Variants in PHAF1 observed in about 807,000 individuals in gnomAD.
The protein encoded by PHAF1 is phagophore assembly factor 1, also known as phagosome assembly factor 1.
Under a neutral mutation model 63.1 loss-of-function variants are expected in PHAF1, and 23 were observed. The observed-to-expected ratio is 0.36, with a 90% CI of 0.26 to 0.52. The LOEUF (loss-of-function observed/expected upper bound fraction) is 0.52, where lower values mean the gene tolerates loss of function less well. Among genes scored for constraint, PHAF1 ranks in the 20% least tolerant of loss-of-function variants. The pLI is 0.93. For synonymous variants in PHAF1, 167 were observed against 185.0 expected (o/e 0.90, Z 0.79); for missense variants, 427 against 517.2 (o/e 0.83, Z 1.69).
intron 8 of PHAF1, among the ~76,000 whole-genome samples, chr16:67,136,554 CTTTTTTTTTTTTT>C (rs34174571): frequency 8.3e-5 from 5 of 60,462 alleles, no homozygotes; most frequent in African/African-American, 1.9e-4. Flanking sequence ...GCATTGATTC[CTTTTTTTTTTTTT>C]TTTTTTTTTT....
chr16:67,124,706 A>G (rs1410006580), intron 2 of PHAF1, among the ~76,000 whole-genome samples: 1 of 152,146 alleles, frequency 6.6e-6, no homozygotes, highest in Non-Finnish European at 1.5e-5. Flanking sequence ...GATCAAGACC[A>G]TCCTGGCTAA....
chr16:67,144,891 G>A lies in PHAF1; in HGVS notation c.1006+14G>A. 2 of 1,612,614 alleles carry A rather than the reference G, an allele frequency of 1.2e-6. No homozygotes were observed. The highest frequency in any genetic ancestry group is 1.7e-6 in the Non-Finnish European group (2 of 1,178,620). ...CCATAAAGAAAGGTGAGTAGTGAAA[G>A]CTCTCAGGGTAAGGGAGGGGTTTTA... On this transcript the variant is annotated intron_variant, in intron 12 of 15. Coordinates refer to ENST00000219139, the MANE Select transcript of PHAF1 (RefSeq NM_025187.5).
At chr16:67,126,815 C>G (rs1452714309) in intron 3 of PHAF1, among the ~76,000 whole-genome samples, 1 of 151,196 alleles carries the variant, frequency 6.6e-6, no homozygotes, top group Non-Finnish European at 1.5e-5. Flanking sequence ...TTTTCGAACT[C>G]CTGACCTTGT....
intron 1 of PHAF1, among the ~76,000 whole-genome samples, chr16:67,118,061 T>G (rs1354768993): frequency 1.3e-5 from 2 of 148,676 alleles, no homozygotes; most frequent in Admixed American, 1.3e-4. Flanking sequence ...TTCATGCCAT[T>G]CTCCTGTCTC....
At chr16:67,141,008 T>C (rs1301019989) in intron 10 of PHAF1, among the ~76,000 whole-genome samples, 1 of 152,236 alleles carries the variant, frequency 6.6e-6, no homozygotes, top group Non-Finnish European at 1.5e-5. Context: ...GAGGCATTGC[T>C]GTATCCCTGT....
chr16:67,143,688 C>A, intron 10 of PHAF1, among the ~76,000 whole-genome samples: 1 of 152,188 alleles, frequency 6.6e-6, no homozygotes, highest in East Asian at 1.9e-4. Flanking sequence ...AGACGGACAA[C>A]CCTGCCCTCA....
intron 2 of PHAF1, among the ~76,000 whole-genome samples, chr16:67,120,424 C>T (rs1294462136): frequency 6.6e-6 from 1 of 151,868 alleles, no homozygotes; most frequent in Non-Finnish European, 1.5e-5. Context: ...TTTGTTTTGT[C>T]TGTGCTCAAC....
intron 8 of PHAF1, among the ~76,000 whole-genome samples, chr16:67,137,599 G>A (rs933236148): frequency 6.6e-6 from 1 of 152,088 alleles, no homozygotes; most frequent in African/African-American, 2.4e-5. Flanking sequence ...GATTACAGGT[G>A]TGAGCCACCG....
chr16:67,142,266 C>G (rs1315586948), intron 10 of PHAF1, among the ~76,000 whole-genome samples: 18 of 152,224 alleles, frequency 1.2e-4, no homozygotes, highest in Non-Finnish European at 2.4e-4. Flanking sequence ...TGGCTGAATC[C>G]AGGGTTTTTA....
At chr16:67,117,249 C>T (rs1203808852) in intron 1 of PHAF1, among the ~76,000 whole-genome samples, 3 of 137,924 alleles carry the variant, frequency 2.2e-5, no homozygotes, top group East Asian at 2.2e-4. Context: ...CAGGGTTTCA[C>T]CAAGCCGGCC....
rs766075035 is a variant in PHAF1 at position 67,132,450 on chromosome 16, G to A, written c.280G>A (p.Val94Met). 1.1e-5 allele frequency: 18 copies of A among 1,600,872 alleles called. No homozygotes were observed. Among genetic ancestry groups the A allele is most frequent in the Non-Finnish European group, 1.5e-5 (17 of 1,171,266 alleles). ...AAAAATATTTTTGTTTTTCAGTGGC[G>A]TGCATTTTAATTCTCAGGCCATAGC... Reference protein sequence around the residue: ...LTKVKLKYCGVHFNSQAIAPT... With the variant: ...LTKVKLKYCGMHFNSQAIAPT... Residue 94 changes from valine (V) to methionine (M), a missense_variant, in exon 5 of 16, where the codon GTG (valine) becomes ATG (methionine). By Grantham distance (21) the Val-to-Met change is conservative. Coordinates refer to ENST00000219139, the MANE Select transcript of PHAF1 (RefSeq NM_025187.5).
intron 1 of PHAF1, among the ~76,000 whole-genome samples, chr16:67,117,762 G>A (rs1290307291): frequency 3.4e-5 from 5 of 145,408 alleles, no homozygotes; most frequent in African/African-American, 5.1e-5. Context: ...TTCAGACTGC[G>A]TCTCAAAAAA....
rs1258227750 is a variant in PHAF1 at position 67,121,360 on chromosome 16, T to G, written c.147+1166T>G. 5.7e-5 allele frequency among the ~76,000 whole-genome samples: 6 copies of G among 104,674 alleles called. No individual in the cohort carries two copies. The East Asian group carries it at 1.1e-3, about 18-fold the overall frequency. The allele number at this position is 104,674 out of a possible 152,430, so 68.7% of individuals were successfully genotyped here. Reference sequence around the variant, plus strand: ...GCGCCCACCACCACACCCAGCTAATTTTTTTTTTTTTTTTTGTATTTTTAG... The same window carrying G: ...GCGCCCACCACCACACCCAGCTAATGTTTTTTTTTTTTTTTGTATTTTTAG... On this transcript the variant is annotated intron_variant, in intron 2 of 15. Transcript: ENST00000219139.
In PHAF1 at chr16:67,144,762, T is replaced by C; in HGVS notation, c.963-72T>C. 3.3e-6 allele frequency: 5 copies of C among 1,501,942 alleles called. No homozygotes were observed. The South Asian group carries it at 5.6e-5, about 17-fold the overall frequency. 93.0% of individuals were successfully genotyped at this position (1,501,942 alleles called of 1,614,324 possible). On this transcript the variant is annotated intron_variant, in intron 11 of 15. Coordinates refer to ENST00000219139, the MANE Select transcript of PHAF1 (RefSeq NM_025187.5). ...GTGTTTGGTTCTGTTTCTCCTGGGGTGTGGGGTTGGAATATGGGAGTGGCC... is the reference window on the plus strand; with the variant it reads ...GTGTTTGGTTCTGTTTCTCCTGGGGCGTGGGGTTGGAATATGGGAGTGGCC...
chr16:67,116,328 A>G (rs1481436548), intron 1 of PHAF1, among the ~76,000 whole-genome samples: 1 of 152,228 alleles, frequency 6.6e-6, no homozygotes, highest in African/African-American at 2.4e-5. Context: ...CTCTCAGATG[A>G]GGGTAGAATC....
intron 10 of PHAF1, among the ~76,000 whole-genome samples, 195 bp from the exon 11 acceptor site, chr16:67,144,099 C>T (rs962423757): frequency 6.6e-6 from 1 of 152,074 alleles, no homozygotes; most frequent in Admixed American, 6.5e-5. Flanking sequence ...GAGACTCCAT[C>T]TCAAAAAAGA....
At position 67,145,618 on chromosome 16, in the gene PHAF1, G is replaced by T; in HGVS notation, c.1099G>T (p.Val367Phe). ...LLGHPVEKPV[V>F]LHRSSSPNNT... ...GGGCCACCCTGTGGAGAAGCCTGTTGTCCTGCACAGGTGAGTGGGAGTTTG... is the reference window on the plus strand; with the variant it reads ...GGGCCACCCTGTGGAGAAGCCTGTTTTCCTGCACAGGTGAGTGGGAGTTTG... Residue 367 changes from valine (V) to phenylalanine (F), a missense_variant, in exon 14 of 16, where the codon GTC becomes TTC. Coordinates refer to ENST00000219139, the MANE Select transcript of PHAF1 (RefSeq NM_025187.5). 1 of 1,613,786 alleles carries T rather than the reference G, an allele frequency of 6.2e-7. No homozygotes were observed. Among genetic ancestry groups the T allele is most frequent in the Non-Finnish European group, 8.5e-7 (1 of 1,179,876 alleles).
At chr16:67,142,543 T>A (rs934807823) in intron 10 of PHAF1, among the ~76,000 whole-genome samples, 2 of 152,362 alleles carry the variant, frequency 1.3e-5, no homozygotes, top group Admixed American at 1.3e-4. Context: ...GTGTCAGTGC[T>A]GCCCTGAGTG....
intron 3 of PHAF1, among the ~76,000 whole-genome samples, chr16:67,126,925 G>A (rs1963216390): frequency 7.0e-6 from 1 of 143,818 alleles, no homozygotes; most frequent in African/African-American, 2.6e-5. Context: ...GTCTCACTGT[G>A]TCACCCAGGC....
Sources: allele counts gnomAD v4.1 joint callset (sites outside exome capture counted in the v4.1 genomes callset), GRCh38; gene constraint gnomAD v4.1.1; transcripts MANE v1.5; gene names NCBI Gene and HGNC (gene_info 2026-07-23, HGNC 2026-07-21).